LRRC4C: variants seen among roughly 807,000 people sequenced by gnomAD.
LRRC4C encodes leucine rich repeat containing 4C.
LRRC4C carries 5 observed loss-of-function variants against 33.6 expected under a neutral mutation model. The observed-to-expected ratio is 0.15, with a 90% CI of 0.08 to 0.31. The LOEUF is 0.31. LRRC4C is among the 10% of genes least tolerant of loss of function. The probability of loss-of-function intolerance (pLI) is 1.00; values close to 1 mark genes in which losing one functional copy is unlikely to be tolerated. For synonymous variants in LRRC4C, 329 were observed against 302.0 expected (o/e 1.09, Z -0.93); for missense variants, 560 against 796.7 (o/e 0.70, Z 3.58).
intron 1 of LRRC4C, among the ~76,000 whole-genome samples, chr11:41,190,117 A>G (rs1310166905): frequency 6.6e-6 from 1 of 152,232 alleles, no homozygotes; most frequent in Non-Finnish European, 1.5e-5. Context: ...TCTGTGTGAT[A>G]CAATATAAAG....
intron 1 of LRRC4C, among the ~76,000 whole-genome samples, chr11:41,361,070 G>T (rs999816834): frequency 6.6e-6 from 1 of 152,104 alleles, no homozygotes; most frequent in Non-Finnish European, 1.5e-5. Flanking sequence ...TAATTACCAG[G>T]CAGTTTTCCA....
chr11:41,098,019 A>G (rs1302414332), intron 1 of LRRC4C, among the ~76,000 whole-genome samples: 1 of 152,090 alleles, frequency 6.6e-6, no homozygotes, highest in African/African-American at 2.4e-5. Flanking sequence ...CTTCCCTGTG[A>G]TCAGCTCCTA....
chr11:40,926,718 CTAGAG>C (rs1316904576), intron 2 of LRRC4C, among the ~76,000 whole-genome samples: 1 of 151,678 alleles, frequency 6.6e-6, no homozygotes, highest in African/African-American at 2.4e-5. Flanking sequence ...ACTTCTAATA[CTAGAG>C]TATTCATTAA....
intron 4 of LRRC4C, chr11:40,293,051 C>G (rs1219350111): frequency 6.6e-6 from 1 of 152,094 alleles, no homozygotes; most frequent in African/African-American, 2.4e-5. Flanking sequence ...GATTAGATTT[C>G]TCATCACAAC....
chr11:40,588,279 A>T lies in LRRC4C; in HGVS notation c.-270+59863T>A, dbSNP rs1474822855. 2.0e-5 allele frequency among the ~76,000 whole-genome samples: 3 copies of T among 151,608 alleles called. No homozygotes were observed. In the East Asian group the frequency reaches 5.8e-4, roughly 29 times the overall value. On this transcript the variant is annotated intron_variant, in intron 3 of 6. Transcript: ENST00000528697. Reference sequence around the variant, plus strand: ...TTATTTGCGTAGAGGTGTTTGTAGTATTCTCTGATGGTAGTTTGTATTTCT... The same window carrying T: ...TTATTTGCGTAGAGGTGTTTGTAGTTTTCTCTGATGGTAGTTTGTATTTCT...
intron 1 of LRRC4C, among the ~76,000 whole-genome samples, chr11:41,377,847 C>A (rs868715817): frequency 3.3e-5 from 5 of 152,156 alleles, no homozygotes; most frequent in African/African-American, 1.2e-4. Flanking sequence ...GACTTTCCAG[C>A]AGCTTTCCAG....
chr11:41,399,005 G>C (rs186876970), intron 1 of LRRC4C, among the ~76,000 whole-genome samples: 4 of 151,896 alleles, frequency 2.6e-5, no homozygotes, highest in East Asian at 3.9e-4. Flanking sequence ...CTGGATTAAG[G>C]CTACTTTCCT....
At chr11:41,017,925 T>C (rs944518119) in intron 1 of LRRC4C, among the ~76,000 whole-genome samples, 1 of 151,944 alleles carries the variant, frequency 6.6e-6, no homozygotes, top group Non-Finnish European at 1.5e-5. Context: ...ATTTTTATTA[T>C]GCTGAGGTCT....
At chr11:40,270,535 G>C (rs1229791134) in intron 4 of LRRC4C, among the ~76,000 whole-genome samples, 1 of 151,942 alleles carries the variant, frequency 6.6e-6, no homozygotes, top group Non-Finnish European at 1.5e-5. Flanking sequence ...GGGTGATCAG[G>C]ACCTCAACCT....
intron 2 of LRRC4C, among the ~76,000 whole-genome samples, chr11:40,654,610 A>T (rs1565603776): frequency 6.6e-6 from 1 of 152,172 alleles, no homozygotes; most frequent in Non-Finnish European, 1.5e-5. Flanking sequence ...ATTTTACAGG[A>T]TCATAGGCAG....
chr11:40,191,515 G>A (rs1405491406), intron 5 of LRRC4C, among the ~76,000 whole-genome samples: 4 of 152,134 alleles, frequency 2.6e-5, no homozygotes, highest in African/African-American at 9.7e-5. Flanking sequence ...ATTGAGTGCA[G>A]TGTTCTTCCC....
intron 1 of LRRC4C, among the ~76,000 whole-genome samples, chr11:41,089,160 T>C (rs922693456): frequency 6.6e-6 from 1 of 152,032 alleles, no homozygotes; most frequent in Non-Finnish European, 1.5e-5. Flanking sequence ...CTCCAGTCAA[T>C]AGAGATTTAA....
At chr11:41,010,152 C>A (rs913984687) in intron 1 of LRRC4C, among the ~76,000 whole-genome samples, 5 of 152,126 alleles carry the variant, frequency 3.3e-5, no homozygotes, top group Admixed American at 2.0e-4. Flanking sequence ...TGATTACAGA[C>A]TTCTAACCTC....
At chr11:41,200,120 T>A (rs1946345871) in intron 1 of LRRC4C, among the ~76,000 whole-genome samples, 1 of 152,102 alleles carries the variant, frequency 6.6e-6, no homozygotes, top group Non-Finnish European at 1.5e-5. Flanking sequence ...ATGAGTTAAC[T>A]TATTTGTTCA....
Position 40,334,854 on chromosome 11 carries a change from C to A in LRRC4C, c.-269-15133G>T, listed in dbSNP as rs539459205. ...CTAAAAACTGTAGCAGCAACAAAAG[C>A]AGGAACAAAACCATATAGGATAACA... On this transcript the variant is annotated intron_variant, in intron 3 of 6. Transcript: ENST00000528697. Among the ~76,000 whole-genome samples the A allele has an allele frequency of 6.6e-5, 10 of 152,206 alleles. No homozygotes were observed. In the South Asian group the frequency reaches 2.1e-3, roughly 32 times the overall value.
intron 1 of LRRC4C, among the ~76,000 whole-genome samples, chr11:40,936,011 ATT>A (rs1957865758): frequency 2.8e-5 from 2 of 70,458 alleles, no homozygotes; most frequent in Non-Finnish European, 5.8e-5. Flanking sequence ...AAGATGCCAA[ATT>A]TTATATATAT....
At chr11:41,078,847 C>A (rs1325966916) in intron 1 of LRRC4C, among the ~76,000 whole-genome samples, 1 of 152,106 alleles carries the variant, frequency 6.6e-6, no homozygotes, top group African/African-American at 2.4e-5. Context: ...TCTTCAATTT[C>A]TAAATCTGTG....
intron 2 of LRRC4C, among the ~76,000 whole-genome samples, chr11:40,858,013 G>GA (rs1554977980): frequency 1.4e-5 from 1 of 73,276 alleles, no homozygotes; most frequent in African/African-American, 3.5e-5. Context: ...CAGGGACAAG[G>GA]AAAGGAAGGG....
At chr11:40,166,028 C>G (rs1274071356) in intron 5 of LRRC4C, among the ~76,000 whole-genome samples, 2 of 152,170 alleles carry the variant, frequency 1.3e-5, no homozygotes, top group African/African-American at 2.4e-5. Context: ...TTTTAGAAAA[C>G]TGTTTGGCTC....
Sources: gnomAD v4.1 joint callset for allele counts (sites outside exome capture counted in the v4.1 genomes callset) on GRCh38, gnomAD v4.1.1 for gene constraint, MANE v1.5 for transcripts, NCBI Gene and HGNC (gene_info 2026-07-23, HGNC 2026-07-21) for gene names.